Variants in ITPK1 observed in about 807,000 individuals in gnomAD.
The protein encoded by ITPK1 is inositol 1,3,4-trisphosphate 5/6-kinase.
ITPK1 carries 21 observed loss-of-function variants against 45.3 expected under a neutral mutation model. The observed-to-expected ratio is 0.46, with a 90% CI of 0.33 to 0.67. ITPK1 has a LOEUF of 0.67. Among genes scored for constraint, ITPK1 ranks in the 30% least tolerant of loss-of-function variants. ITPK1 has a pLI of 0.02. For synonymous variants in ITPK1, 258 were observed against 253.6 expected (o/e 1.02, Z -0.16); for missense variants, 474 against 573.5 (o/e 0.83, Z 1.77).
chr14:93,076,757 C>T lies in ITPK1; in HGVS notation c.96-138G>A. On this transcript the variant is annotated intron_variant, in intron 2 of 10. Coordinates refer to ENST00000267615, the MANE Select transcript of ITPK1 (RefSeq NM_014216.6). This position sits in a 1 kb window ranked among gnomAD's most constrained non-coding sequence, Gnocchi z 4.3. ...GCCGGCAGCTGCGCCTCTCCTGCTA[C>T]TGTCCCAGAACAGCCATGCCTTCCA... The T allele has an allele frequency of 1.1e-6, 1 of 948,108 alleles. No individual in the cohort carries two copies. The highest frequency in any genetic ancestry group is 1.7e-6 in the Non-Finnish European group (1 of 598,274). The allele number at this position is 948,108 out of a possible 1,614,324, so 58.7% of individuals were successfully genotyped here. A position where few individuals can be genotyped will look rare whatever the true frequency, so the allele number is the denominator to read the frequency against.
chr14:92,962,946 C>T, intron 5 of ITPK1, 97 bp from the exon 6 acceptor site: 2 of 712,462 alleles, frequency 2.8e-6, no homozygotes, highest in Non-Finnish European at 4.7e-6. Flanking sequence ...GCCTTCAGTG[C>T]CCCCACGCTC....
At chr14:92,952,672 G>A (rs1888013390) in intron 8 of ITPK1, among the ~76,000 whole-genome samples, 1 of 152,098 alleles carries the variant, frequency 6.6e-6, no homozygotes, top group Non-Finnish European at 1.5e-5. Context: ...TCTGGCTCCC[G>A]CCTGCCTCCC....
In ITPK1 at chr14:92,962,830, T is replaced by C. The variant is rs989732881; in HGVS notation, c.384A>G (p.Pro128=). 10 of 1,613,252 alleles carry C rather than the reference T, an allele frequency of 6.2e-6. No individual in the cohort carries two copies. In the African/African-American group the frequency reaches 1.2e-4, roughly 19 times the overall value. Residue 128 remains proline (P), a synonymous_variant, in exon 6 of 11, where the codon CCA becomes CCG. Transcript: ENST00000267615. ...AYMEDDRICS[P]PFMELTSLCG... ...ACAGGCTCGTGAGCTCCATGAAGGGTGGCGAGCAGATCCTGTCGTCTAGGG... is the reference window on the plus strand; with the variant it reads ...ACAGGCTCGTGAGCTCCATGAAGGGCGGCGAGCAGATCCTGTCGTCTAGGG...
In ITPK1 at chr14:92,941,363, C is replaced by T. The variant is rs372353927; in HGVS notation, c.*198G>A. ...GCAGGCGGACGGCCCCACTCCCCAA[C>T]GGTGGACCACCTGGTACTCTCTTCC... On this transcript the variant is annotated 3_prime_UTR_variant, in exon 11 of 11. Coordinates refer to ENST00000267615, the MANE Select transcript of ITPK1 (RefSeq NM_014216.6). 1.7e-4 allele frequency: 244 copies of T among 1,413,220 alleles called. No individual in the cohort carries two copies. The highest frequency in any genetic ancestry group is 4.1e-4 in the Admixed American group (13 of 31,568). 87.5% of individuals were successfully genotyped at this position (1,413,220 alleles called of 1,614,324 possible). A position where few individuals can be genotyped will look rare whatever the true frequency, so the allele number is the denominator to read the frequency against.
Position 92,940,197 on chromosome 14 carries a change from C to T in ITPK1, c.*1364G>A. The T allele has an allele frequency of 2.0e-6, 2 of 985,956 alleles. No homozygotes were observed. The highest frequency in any genetic ancestry group is 2.4e-6 in the Non-Finnish European group (2 of 830,292). The allele number at this position is 985,956 out of a possible 1,614,324, so 61.1% of individuals were successfully genotyped here. A position where few individuals can be genotyped will look rare whatever the true frequency, so the allele number is the denominator to read the frequency against. On this transcript the variant is annotated 3_prime_UTR_variant, in exon 11 of 11. Transcript: ENST00000267615. Reference sequence around the variant, plus strand: ...ACTCAGCACTTTCTCTAGCGTCCTCCATCTCACTGGGCAGAGGACAGCCCG... The same window carrying T: ...ACTCAGCACTTTCTCTAGCGTCCTCTATCTCACTGGGCAGAGGACAGCCCG...
At chr14:93,066,073 C>T (rs1286006563) in intron 3 of ITPK1, 3 of 302,114 alleles carry the variant, frequency 9.9e-6, no homozygotes, top group African/African-American at 6.6e-5. Flanking sequence ...TCCACAAGTA[C>T]ATATTACTTA....
chr14:92,941,482 T>C lies in ITPK1; in HGVS notation c.*79A>G, dbSNP rs1887391513. ...TCAGATCACTGGGGATTCTTAGTAG[T>C]AGCATCGCCGTTGGGAGCTGCTGGC... On this transcript the variant is annotated 3_prime_UTR_variant, in exon 11 of 11. Transcript: ENST00000267615. 8.3e-6 allele frequency: 12 copies of C among 1,442,646 alleles called. No homozygotes were observed. The highest frequency in any genetic ancestry group is 9.9e-6 in the Non-Finnish European group (11 of 1,105,558). 89.4% of individuals were successfully genotyped at this position (1,442,646 alleles called of 1,614,324 possible). A position where few individuals can be genotyped will look rare whatever the true frequency, so the allele number is the denominator to read the frequency against.
intron 2 of ITPK1, among the ~76,000 whole-genome samples, chr14:93,089,034 G>A (rs538216083): frequency 1.3e-5 from 2 of 152,332 alleles, no homozygotes; most frequent in East Asian, 3.9e-4. Context: ...GGGGCCCACC[G>A]GGTCTGTTGG....
At chr14:93,072,708 G>C (rs1891070953) in intron 3 of ITPK1, among the ~76,000 whole-genome samples, 1 of 151,070 alleles carries the variant, frequency 6.6e-6, no homozygotes, top group South Asian at 2.1e-4. Flanking sequence ...TCGACCTCCT[G>C]GGTTCAAGTG....
chr14:93,013,436 C>T (rs1888018531), intron 4 of ITPK1, among the ~76,000 whole-genome samples: 1 of 152,234 alleles, frequency 6.6e-6, no homozygotes, highest in African/African-American at 2.4e-5. Context: ...GGCCTCCTGG[C>T]TCTGGGAATT....
At chr14:92,948,843 A>G (rs1465127078) in intron 9 of ITPK1, among the ~76,000 whole-genome samples, 1 of 151,552 alleles carries the variant, frequency 6.6e-6, no homozygotes, top group East Asian at 1.9e-4. Flanking sequence ...CCCACGCTCC[A>G]AGTCCGGGCG....
In ITPK1 at chr14:93,075,244, T is replaced by C. The variant is rs372136747; in HGVS notation, c.120+1351A>G. 6.9e-5 allele frequency among the ~76,000 whole-genome samples: 9 copies of C among 131,026 alleles called. No homozygotes were observed. In the East Asian group the frequency reaches 2.2e-3, roughly 32 times the overall value. 86.0% of individuals were successfully genotyped at this position (131,026 alleles called of 152,430 possible). Reference sequence around the variant, plus strand: ...CAGGAGGCTGAGGCACGAGAATCACTTGAACCCAGGAGGCAGAGGTTGCAG... The same window carrying C: ...CAGGAGGCTGAGGCACGAGAATCACCTGAACCCAGGAGGCAGAGGTTGCAG... On this transcript the variant is annotated intron_variant, in intron 3 of 10. Coordinates refer to ENST00000267615, the MANE Select transcript of ITPK1 (RefSeq NM_014216.6).
rs962803930 is a variant in ITPK1, at chr14:92,948,422, C to T, written c.739-1929G>A. On this transcript the variant is annotated intron_variant, in intron 9 of 10. Transcript: ENST00000267615. ...AGGCTGGAGTGTAGTGGTGCAATCACGGCTCACTGCAGCCTTGAACTCCTG... is the reference window on the plus strand; with the variant it reads ...AGGCTGGAGTGTAGTGGTGCAATCATGGCTCACTGCAGCCTTGAACTCCTG... Among the ~76,000 whole-genome samples the T allele has an allele frequency of 5.9e-5, 9 of 152,290 alleles. No individual in the cohort carries two copies. In the South Asian group the frequency reaches 6.2e-4, roughly 11 times the overall value.
chr14:93,051,530 C>T (rs761959384), intron 3 of ITPK1, among the ~76,000 whole-genome samples: 2 of 146,484 alleles, frequency 1.4e-5, no homozygotes, highest in Non-Finnish European at 1.5e-5. Flanking sequence ...GCAGGGGAAT[C>T]GCTTGAGCCT....
Position 92,939,821 on chromosome 14 carries a change from G to C in ITPK1, c.*1740C>G. The C allele has an allele frequency of 1.0e-6, 1 of 985,794 alleles. No homozygotes were observed. Among genetic ancestry groups the C allele is most frequent in the Non-Finnish European group, 1.2e-6 (1 of 829,920 alleles). The allele number at this position is 985,794 out of a possible 1,614,324, so 61.1% of individuals were successfully genotyped here. On this transcript the variant is annotated 3_prime_UTR_variant, in exon 11 of 11. Transcript: ENST00000267615. ...AACGTCTTTTAAGGACTGGGAGTAT[G>C]ACATAACAAACTTGAGCAACATGTG...
At chr14:92,994,179 T>C (rs1287560408) in intron 4 of ITPK1, among the ~76,000 whole-genome samples, 182 bp from the exon 5 acceptor site, 1 of 152,208 alleles carries the variant, frequency 6.6e-6, no homozygotes, top group Admixed American at 6.5e-5. Context: ...AGAGAGAGGC[T>C]TGACTAGGCC....
chr14:93,000,889 T>G (rs1197001542), intron 4 of ITPK1, among the ~76,000 whole-genome samples: 3 of 148,534 alleles, frequency 2.0e-5, no homozygotes, highest in African/African-American at 7.6e-5. Flanking sequence ...GAGAATCACT[T>G]GAACTTGGGA....
chr14:92,988,003 AG>A (rs1886580918), intron 5 of ITPK1, among the ~76,000 whole-genome samples: 1 of 152,220 alleles, frequency 6.6e-6, no homozygotes, highest in African/African-American at 2.4e-5. Context: ...GGGAGCCACA[AG>A]CACAATCCTG....
In ITPK1 at chr14:93,115,305, C is replaced by A; in HGVS notation, c.-142G>T. 2.4e-6 allele frequency: 1 copy of A among 410,278 alleles called. No individual in the cohort carries two copies. The highest frequency in any genetic ancestry group is 4.3e-6 in the Non-Finnish European group (1 of 235,148). 25.4% of individuals were successfully genotyped at this position (410,278 alleles called of 1,614,324 possible). A position where few individuals can be genotyped will look rare whatever the true frequency, so the allele number is the denominator to read the frequency against. ...GGGGATCGGAGCTGGGGCGCGCAGTCCTGCCGCGCGGAGCGGAGCGGGGCG... is the reference window on the plus strand; with the variant it reads ...GGGGATCGGAGCTGGGGCGCGCAGTACTGCCGCGCGGAGCGGAGCGGGGCG... On this transcript the variant is annotated splice_region_variant and 5_prime_UTR_variant, in exon 2 of 11. Coordinates refer to ENST00000267615, the MANE Select transcript of ITPK1 (RefSeq NM_014216.6).
Sources: gnomAD v4.1 joint callset for allele counts (sites outside exome capture counted in the v4.1 genomes callset) on GRCh38, gnomAD v4.1.1 for gene constraint, Gnocchi (gnomAD v3.1) non-coding constraint, MANE v1.5 for transcripts, NCBI Gene and HGNC (gene_info 2026-07-23, HGNC 2026-07-21) for gene names.